The following GLRX variants were observed in gnomAD, a reference collection of about 807,000 sequenced individuals.
GLRX encodes the protein glutaredoxin.
GLRX carries 9 observed loss-of-function variants against 11.1 expected under a neutral mutation model. The ratio of observed to expected loss-of-function variants is 0.81; its 90% CI spans 0.49 to 1.42. The LOEUF (loss-of-function observed/expected upper bound fraction) is 1.42. Among genes scored for constraint, GLRX ranks in the 40% most tolerant of loss-of-function variants. The pLI is 0.00. For missense variants in GLRX, 102 were observed against 126.2 expected (o/e 0.81, Z 0.92); for synonymous variants, 49 against 49.5 (o/e 0.99, Z 0.04).
chr5:95,816,226 AT>A, intron 2 of GLRX, among the ~76,000 whole-genome samples: 1 of 152,330 alleles, frequency 6.6e-6, no homozygotes, highest in East Asian at 1.9e-4. Context: ...TCTCTAAAAT[AT>A]AAGTTCCAGG....
In GLRX at chr5:95,814,220, T is replaced by C. The variant is rs1367266524; in HGVS notation, c.*176A>G. ...TCTAAATAAAATAAATACACAGTGT[T>C]CAGGATTATCTGGATAGCCATCTTA... On this transcript the variant is annotated 3_prime_UTR_variant, in exon 3 of 3. Transcript: ENST00000237858. The C allele has an allele frequency of 6.5e-6, 1 of 152,676 alleles. No homozygotes were observed. The highest frequency in any genetic ancestry group is 2.4e-5 in the African/African-American group (1 of 41,466). The allele number at this position is 152,676 out of a possible 1,614,324, so 9.5% of individuals were successfully genotyped here. A position where few individuals can be genotyped will look rare whatever the true frequency, so the allele number is the denominator to read the frequency against.
chr5:95,816,207 C>T (rs1412246169), intron 2 of GLRX, among the ~76,000 whole-genome samples: 1 of 152,160 alleles, frequency 6.6e-6, no homozygotes, highest in Non-Finnish European at 1.5e-5. Flanking sequence ...TGTTTTTGAT[C>T]TGTCTACCTC....
At chr5:95,817,600 T>C (rs1747053634) in intron 1 of GLRX, 1 of 152,276 alleles carries the variant, frequency 6.6e-6, no homozygotes. Context: ...ACTTCCTCCC[T>C]GCTGCTAGGA....
chr5:95,817,682 A>T (rs949020022), intron 1 of GLRX: 1 of 152,146 alleles, frequency 6.6e-6, no homozygotes, highest in Non-Finnish European at 1.5e-5. Flanking sequence ...AACGTGGCTG[A>T]ATTTATAGGC....
chr5:95,821,267 C>T (rs1375306384), intron 1 of GLRX, among the ~76,000 whole-genome samples: 1 of 152,160 alleles, frequency 6.6e-6, no homozygotes, highest in Non-Finnish European at 1.5e-5. Flanking sequence ...CTCAGGGTGG[C>T]AGCCACAGTG....
In GLRX at chr5:95,822,438, G is replaced by T. The variant is rs1479179742; in HGVS notation, c.207+18C>A. 3 of 1,595,164 alleles carry T rather than the reference G, an allele frequency of 1.9e-6. No homozygotes were observed. In the Admixed American group the frequency reaches 5.0e-5, roughly 27 times the overall value. Reference sequence around the variant, plus strand: ...GCAATCCGGGAGCCTTTCCCTAGCCGTTTAAAATGAAACTCACCGTTCTTG... The same window carrying T: ...GCAATCCGGGAGCCTTTCCCTAGCCTTTTAAAATGAAACTCACCGTTCTTG... On this transcript the variant is annotated intron_variant, in intron 1 of 2. Transcript: ENST00000237858.
chr5:95,821,927 T>A (rs28926199), intron 1 of GLRX, among the ~76,000 whole-genome samples: 1,952 of 152,048 alleles, frequency 0.013, 44 homozygotes, highest in African/African-American at 0.045. Context: ...CCTGGAAACA[T>A]CCATAATTAA....
At chr5:95,817,895 A>G (rs1228095660) in intron 1 of GLRX, 2 of 152,248 alleles carry the variant, frequency 1.3e-5, no homozygotes, top group African/African-American at 4.8e-5. Context: ...AATTGTCCAA[A>G]AAGTGAGAAA....
rs1198183883 is a variant in GLRX, at chr5:95,813,865, CTTTA to C, written c.*527_*530del. ...CTCAGTGAGTGACAGCAGCACGTGT[CTTTA>C]TTTATAATGGCAGGGCCAAATATAA... is the stretch of plus-strand genomic sequence containing the variant. On this transcript the variant is annotated 3_prime_UTR_variant, in exon 3 of 3. Transcript: ENST00000237858. 5 of 152,208 alleles carry C rather than the reference CTTTA, an allele frequency of 3.3e-5. No homozygotes were observed. The highest frequency in any genetic ancestry group is 2.1e-4 in the South Asian group (1 of 4,838). 9.4% of individuals were successfully genotyped at this position (152,208 alleles called of 1,614,324 possible). A position where few individuals can be genotyped will look rare whatever the true frequency, so the allele number is the denominator to read the frequency against.
At chr5:95,815,046 C>T (rs1402498550) in intron 2 of GLRX, 1 of 152,514 alleles carries the variant, frequency 6.6e-6, no homozygotes, top group Non-Finnish European at 1.5e-5. Flanking sequence ...CATTTAAACA[C>T]ACTCTGTTGC....
chr5:95,820,314 G>A (rs993938219), intron 1 of GLRX, among the ~76,000 whole-genome samples: 3 of 133,600 alleles, frequency 2.2e-5, no homozygotes, highest in African/African-American at 5.7e-5. Context: ...TTGCACCACT[G>A]CACTCTAGCC....
At chr5:95,818,489 G>C (rs1163343718) in intron 1 of GLRX, 1 of 152,190 alleles carries the variant, frequency 6.6e-6, no homozygotes, top group African/African-American at 2.4e-5. Flanking sequence ...TAATCCTGTG[G>C]TTCTTATTCT....
intron 1 of GLRX, chr5:95,816,831 TC>T: frequency 4.4e-6 from 2 of 452,450 alleles, no homozygotes; most frequent in Middle Eastern, 3.8e-4. Flanking sequence ...AGAAGAGTTT[TC>T]AAGTTGTGTG....
intron 1 of GLRX, among the ~76,000 whole-genome samples, chr5:95,821,027 C>G (rs754282362): frequency 4.6e-5 from 7 of 151,470 alleles, no homozygotes; most frequent in Non-Finnish European, 1.0e-4. Context: ...GAGGAGAACC[C>G]AGGAGGCAGA....
At chr5:95,815,061 G>A (rs1173110250) in intron 2 of GLRX, 1 of 152,326 alleles carries the variant, frequency 6.6e-6, no homozygotes, top group Admixed American at 6.5e-5. Flanking sequence ...TGTTGCAGAT[G>A]GCCTTGAGAT....
chr5:95,821,768 G>C (rs867701469), intron 1 of GLRX, among the ~76,000 whole-genome samples: 47 of 152,200 alleles, frequency 3.1e-4, no homozygotes, highest in Middle Eastern at 3.4e-3. Context: ...CAGTCTATTC[G>C]TAGCAAATGG....
intron 1 of GLRX, chr5:95,818,194 C>T (rs570860662): frequency 6.6e-6 from 1 of 152,260 alleles, no homozygotes; most frequent in East Asian, 1.9e-4. Flanking sequence ...CTCCTTTACC[C>T]TCACACCCAT....
intron 1 of GLRX, among the ~76,000 whole-genome samples, chr5:95,819,914 A>G (rs1232735984): frequency 6.7e-6 from 1 of 149,592 alleles, no homozygotes; most frequent in Non-Finnish European, 1.5e-5. Context: ...AAAAAAAAAA[A>G]AAAAAAAACC....
chr5:95,819,779 G>T (rs537019132), intron 1 of GLRX, among the ~76,000 whole-genome samples: 10 of 151,484 alleles, frequency 6.6e-5, no homozygotes, highest in Non-Finnish European at 1.2e-4. Flanking sequence ...GACGCCTGTA[G>T]TCCCAGCTAC....
Sources: allele counts gnomAD v4.1 joint callset (sites outside exome capture counted in the v4.1 genomes callset), GRCh38; gene constraint gnomAD v4.1.1; transcripts MANE v1.5; gene names NCBI Gene and HGNC (gene_info 2026-07-23, HGNC 2026-07-21).